TMC1: variants seen among roughly 807,000 people sequenced by gnomAD.
The protein encoded by TMC1 is transmembrane channel like 1, also known as transmembrane channel-like protein 1.
A neutral mutation model predicts 105.8 loss-of-function variants in TMC1; 84 were observed. The ratio of observed to expected loss-of-function variants is 0.79; its 90% confidence interval spans 0.67 to 0.95. The LOEUF (loss-of-function observed/expected upper bound fraction) is 0.95. TMC1 is among the 40% of genes least tolerant of loss of function. The pLI is 0.00. For missense variants in TMC1, 817 were observed against 914.1 expected (o/e 0.89, Z 1.37); for synonymous variants, 315 against 311.5 (o/e 1.01, Z -0.12).
Position 72,744,607 on chromosome 9 carries a change from T to G in TMC1, c.535+2082T>G, listed in dbSNP as rs1827457499. Among the ~76,000 whole-genome samples, 3 of 152,240 alleles carry G rather than the reference T, an allele frequency of 2.0e-5. 1 individual carries two copies. In the South Asian group the frequency reaches 6.2e-4, roughly 31 times the overall value. ...CTTTGCTGCAGATTAGCTGTTTGAC[T>G]TCTAGCCAGTCATTTAACTCCTCTG... On this transcript the variant is annotated intron_variant, in intron 10 of 23. Coordinates refer to ENST00000297784, the MANE Select transcript of TMC1 (RefSeq NM_138691.3).
chr9:72,575,392 G>T (rs760442911), intron 1 of TMC1, among the ~76,000 whole-genome samples: 1 of 152,120 alleles, frequency 6.6e-6, no homozygotes, highest in Non-Finnish European at 1.5e-5. Context: ...TATTGGCCAG[G>T]CTGGTCTTGA....
At chr9:72,764,912 T>C (rs971162307) in intron 12 of TMC1, among the ~76,000 whole-genome samples, 2 of 152,152 alleles carry the variant, frequency 1.3e-5, no homozygotes, top group African/African-American at 4.8e-5. Flanking sequence ...GATGTACATA[T>C]GTCTTAGGCA....
At chr9:72,546,148 C>T (rs1323211261) in intron 1 of TMC1, among the ~76,000 whole-genome samples, 1 of 151,704 alleles carries the variant, frequency 6.6e-6, no homozygotes, top group Non-Finnish European at 1.5e-5. Flanking sequence ...AAAAAATTAG[C>T]CCGGCGTGGT....
chr9:72,746,996 G>T (rs1031734672), intron 10 of TMC1, among the ~76,000 whole-genome samples: 2 of 152,108 alleles, frequency 1.3e-5, no homozygotes, highest in Non-Finnish European at 2.9e-5. Flanking sequence ...CCATTGTGAT[G>T]CCAACATTAT....
intron 18 of TMC1, among the ~76,000 whole-genome samples, chr9:72,813,029 C>A (rs570576533): frequency 2.0e-5 from 3 of 152,298 alleles, no homozygotes; most frequent in African/African-American, 7.2e-5. Context: ...TAGCCCAAAT[C>A]CACATGGGCT....
At position 72,567,644 on chromosome 9, in the gene TMC1, G is replaced by C. The variant is rs116977403; in HGVS notation, c.-427-10258G>C. Among the ~76,000 whole-genome samples, 64 of 152,144 alleles carry C rather than the reference G, an allele frequency of 4.2e-4. No homozygotes were observed. In the East Asian group the frequency reaches 5.2e-3, roughly 12 times the overall value. On this transcript the variant is annotated intron_variant, in intron 1 of 23. Transcript: ENST00000297784. ...TCACTCACTATCACAAGAACAGCAC[G>C]GGGGAAACCGCCCCCCATGATCCGA...
intron 23 of TMC1, 78 bp from the exon 24 acceptor site, chr9:72,835,873 G>A (rs1036705330): frequency 1.0e-5 from 16 of 1,525,668 alleles, no homozygotes; most frequent in African/African-American, 2.8e-5. Flanking sequence ...TGAAAGCTAC[G>A]TTTTTATTTG....
chr9:72,738,616 C>T (rs146936465), intron 8 of TMC1, among the ~76,000 whole-genome samples: 2 of 152,170 alleles, frequency 1.3e-5, no homozygotes, highest in East Asian at 3.9e-4. Flanking sequence ...CAGGGTTTCA[C>T]CATGTTGGCC....
chr9:72,778,222 G>A (rs1828035538), intron 13 of TMC1, among the ~76,000 whole-genome samples: 2 of 152,160 alleles, frequency 1.3e-5, no homozygotes, highest in African/African-American at 2.4e-5. Flanking sequence ...ACAAGATGCA[G>A]CCAGGAAGAG....
rs201945537 is a variant in TMC1 at position 72,830,522 on chromosome 9, T to C, written c.2201T>C (p.Met734Thr). Reference protein sequence around the residue: ...KAANLDLKKKMKMQALENKMR... With the variant: ...KAANLDLKKKTKMQALENKMR... ...GCGAATCTGGATCTCAAAAAGAAGA[T>C]GAAAATGGTATGATACAATTTATTT... Residue 734 changes from methionine (M) to threonine (T), a missense_variant, in exon 22 of 24, where the codon ATG (methionine) becomes ACG (threonine). Physicochemically the swap from Met to Thr is moderately conservative, Grantham distance 81 (BLOSUM62 -1). Coordinates refer to ENST00000297784, the MANE Select transcript of TMC1 (RefSeq NM_138691.3). The C allele has an allele frequency of 9.9e-6, 16 of 1,612,988 alleles. No individual in the cohort carries two copies. In the East Asian group the frequency reaches 2.9e-4, roughly 29 times the overall value.
intron 8 of TMC1, among the ~76,000 whole-genome samples, chr9:72,727,933 CATTT>C (rs1467979062): frequency 2.0e-5 from 3 of 152,086 alleles, no homozygotes; most frequent in Non-Finnish European, 4.4e-5. Flanking sequence ...TCCAGAGAGA[CATTT>C]ATAAAGTTAC....
At chr9:72,633,399 T>C (rs1276441592) in intron 4 of TMC1, among the ~76,000 whole-genome samples, 2 of 152,192 alleles carry the variant, frequency 1.3e-5, no homozygotes, top group Non-Finnish European at 2.9e-5. Flanking sequence ...CCTGAGCTTC[T>C]GCTATAGGGA....
chr9:72,748,585 T>A (rs2118045030), intron 10 of TMC1, among the ~76,000 whole-genome samples: 1 of 152,300 alleles, frequency 6.6e-6, no homozygotes, highest in Middle Eastern at 3.4e-3. Flanking sequence ...TATGTTAAAA[T>A]TGCTATTCTT....
rs542549423 is a variant in TMC1 at position 72,752,936 on chromosome 9, C to A, written c.642+980C>A. On this transcript the variant is annotated intron_variant, in intron 11 of 23. Coordinates refer to ENST00000297784, the MANE Select transcript of TMC1 (RefSeq NM_138691.3). Reference sequence around the variant, plus strand: ...ACTTTCACTTCTTTTACTTACTGTGCGTCACAACAAATTTATGATGTAGAC... The same window carrying A: ...ACTTTCACTTCTTTTACTTACTGTGAGTCACAACAAATTTATGATGTAGAC... Among the ~76,000 whole-genome samples the A allele has an allele frequency of 2.0e-5, 3 of 152,178 alleles. No individual in the cohort carries two copies. The East Asian group carries it at 5.8e-4, about 29-fold the overall frequency.
chr9:72,572,257 C>T (rs139442608), intron 1 of TMC1, among the ~76,000 whole-genome samples: 75 of 151,764 alleles, frequency 4.9e-4, no homozygotes, highest in Non-Finnish European at 7.1e-4. Context: ...AGTGCAGTGG[C>T]GTGATCTCGG....
At chr9:72,550,193 C>A (rs1174399497) in intron 1 of TMC1, among the ~76,000 whole-genome samples, 1 of 151,154 alleles carries the variant, frequency 6.6e-6, no homozygotes, top group African/African-American at 2.4e-5. Context: ...CCAGGCCAGG[C>A]GTGGTGGCTC....
At chr9:72,701,558 TC>T (rs1386451169) in intron 8 of TMC1, among the ~76,000 whole-genome samples, 1 of 152,180 alleles carries the variant, frequency 6.6e-6, no homozygotes, top group Non-Finnish European at 1.5e-5. Context: ...TTAAAAACTA[TC>T]CCTTCACAAG....
chr9:72,746,195 C>T (rs981432735), intron 10 of TMC1, among the ~76,000 whole-genome samples: 1 of 152,104 alleles, frequency 6.6e-6, no homozygotes, highest in Admixed American at 6.5e-5. Flanking sequence ...ACAAAAGGTT[C>T]AGAAGTATCA....
intron 13 of TMC1, among the ~76,000 whole-genome samples, chr9:72,774,829 A>C (rs181639534): frequency 3.5e-4 from 54 of 152,344 alleles, no homozygotes; most frequent in Non-Finnish European, 6.9e-4. Context: ...CAGAATCATT[A>C]ATCATCTCTT....
Sources: allele counts gnomAD v4.1 joint callset (sites outside exome capture counted in the v4.1 genomes callset), GRCh38; gene constraint gnomAD v4.1.1; transcripts MANE v1.5; gene names NCBI Gene and HGNC (gene_info 2026-07-23, HGNC 2026-07-21).